Variants in KCNT2 observed in about 807,000 individuals in gnomAD.
KCNT2 encodes the protein potassium sodium-activated channel subfamily T member 2.
In KCNT2, 67 loss-of-function variants were observed where a neutral mutation model predicts 153.8. The observed-to-expected ratio is 0.44, with a 90% CI of 0.36 to 0.53. KCNT2 has a LOEUF of 0.53. KCNT2 is among the 20% of genes least tolerant of loss of function. The probability of loss-of-function intolerance (pLI) is 0.00; values close to 1 mark genes in which losing one functional copy is unlikely to be tolerated. For missense variants in KCNT2, 975 were observed against 1,354.8 expected, an observed-to-expected ratio of 0.72 and a Z score of 4.40; for synonymous variants, 500 against 458.8, an observed-to-expected ratio of 1.09 and a Z score of -1.15.
At chr1:196,412,943 A>C (rs1672460614) in intron 12 of KCNT2, among the ~76,000 whole-genome samples, 1 of 151,620 alleles carries the variant, frequency 6.6e-6, no homozygotes, top group South Asian at 2.1e-4. Flanking sequence ...TAAAATTGAG[A>C]TTGAAAGCCA....
intron 1 of KCNT2, among the ~76,000 whole-genome samples, chr1:196,582,111 A>G (rs1313634370): frequency 2.0e-5 from 3 of 152,078 alleles, no homozygotes; most frequent in East Asian, 1.9e-4. Flanking sequence ...AGGAAAATCA[A>G]CAAAGACCCT....
intron 14 of KCNT2, among the ~76,000 whole-genome samples, chr1:196,369,437 C>T (rs568711192): frequency 6.9e-4 from 105 of 152,126 alleles, no homozygotes; most frequent in Non-Finnish European, 1.3e-3. Flanking sequence ...AACTCGTCAT[C>T]TAGCATTAGG....
At position 196,425,811 on chromosome 1, in the gene KCNT2, T is replaced by C. The variant is rs770381419; in HGVS notation, c.1121+41A>G. On this transcript the variant is annotated intron_variant, in intron 11 of 27. Transcript: ENST00000294725. ...GAGGAAAGAGAAAATATTAAGTCAC[T>C]CAAAACTGTAAGCTGCAAGATGAAA... 5.0e-6 allele frequency: 8 copies of C among 1,604,418 alleles called. No homozygotes were observed. The Admixed American group carries it at 1.0e-4, about 20-fold the overall frequency.
At chr1:196,290,252 T>C (rs565488107) in intron 22 of KCNT2, among the ~76,000 whole-genome samples, 29 of 152,232 alleles carry the variant, frequency 1.9e-4, no homozygotes, top group African/African-American at 6.7e-4. Flanking sequence ...ACTTGAACTT[T>C]CTTACAGTGT....
chr1:196,394,026 G>T (rs1327706609), intron 13 of KCNT2, among the ~76,000 whole-genome samples: 1 of 151,518 alleles, frequency 6.6e-6, no homozygotes, highest in African/African-American at 2.4e-5. Flanking sequence ...GAAAAAAAAT[G>T]ATTTGACATA....
chr1:196,538,828 A>G (rs1438974528), intron 1 of KCNT2, among the ~76,000 whole-genome samples: 1 of 152,198 alleles, frequency 6.6e-6, no homozygotes, highest in Non-Finnish European at 1.5e-5. Context: ...ACTCTCTCAC[A>G]CTAATTATTC....
At chr1:196,361,336 C>A (rs1374016819) in intron 14 of KCNT2, among the ~76,000 whole-genome samples, 1 of 151,826 alleles carries the variant, frequency 6.6e-6, no homozygotes, top group Non-Finnish European at 1.5e-5. Context: ...TGGATATGTC[C>A]CGAAGGTTAC....
At chr1:196,241,007 G>A (rs1654903223) in intron 26 of KCNT2, among the ~76,000 whole-genome samples, 1 of 151,800 alleles carries the variant, frequency 6.6e-6, no homozygotes, top group Non-Finnish European at 1.5e-5. Flanking sequence ...AAAGGGGCGA[G>A]GAAGAGAGAT....
chr1:196,253,281 G>C (rs1274444973), intron 26 of KCNT2, among the ~76,000 whole-genome samples: 1 of 151,298 alleles, frequency 6.6e-6, no homozygotes, highest in African/African-American at 2.4e-5. Context: ...ATTTCGGATA[G>C]TCTATTGCTA....
At chr1:196,391,670 A>C (rs1027864060) in intron 13 of KCNT2, among the ~76,000 whole-genome samples, 1 of 151,412 alleles carries the variant, frequency 6.6e-6, no homozygotes, top group Non-Finnish European at 1.5e-5. Context: ...AGATGGCTTA[A>C]ACATCTTTTG....
chr1:196,342,261 CAAAAAGA>C, intron 14 of KCNT2, 33 bp from the exon 15 acceptor site: 1 of 1,562,938 alleles, frequency 6.4e-7, no homozygotes, highest in Admixed American at 1.9e-5. Flanking sequence ...TACACACACA[CAAAAAGA>C]AAACACAGTG....
intron 8 of KCNT2, among the ~76,000 whole-genome samples, chr1:196,445,350 C>T (rs1352679462): frequency 6.6e-6 from 1 of 151,206 alleles, no homozygotes; most frequent in African/African-American, 2.4e-5. Flanking sequence ...CTAGCTGCTG[C>T]CAGATAACAA....
At chr1:196,467,636 T>C in intron 7 of KCNT2, 67 bp downstream of exon 7, 1 of 1,052,414 alleles carries the variant, frequency 9.5e-7, no homozygotes, top group Non-Finnish European at 1.4e-6. Context: ...CTCTGTTTAA[T>C]CTAAACATTG....
intron 8 of KCNT2, among the ~76,000 whole-genome samples, chr1:196,443,261 T>C (rs1675399595): frequency 6.6e-6 from 1 of 151,550 alleles, no homozygotes; most frequent in African/African-American, 2.4e-5. Flanking sequence ...AACAGTTGCA[T>C]TTAAACGTTG....
At chr1:196,412,471 T>A (rs1672418548) in intron 12 of KCNT2, among the ~76,000 whole-genome samples, 1 of 149,304 alleles carries the variant, frequency 6.7e-6, no homozygotes, top group Non-Finnish European at 1.5e-5. Flanking sequence ...TACTTTTCCT[T>A]CCTTGTATAA....
chr1:196,448,813 T>C (rs1675911520), intron 8 of KCNT2, among the ~76,000 whole-genome samples: 1 of 151,664 alleles, frequency 6.6e-6, no homozygotes, highest in Admixed American at 6.6e-5. Context: ...CTTTTTTTGT[T>C]TTGTTTTCTA....
intron 12 of KCNT2, chr1:196,404,188 T>A: frequency 1.0e-6 from 1 of 956,856 alleles, no homozygotes; most frequent in Non-Finnish European, 1.2e-6. Flanking sequence ...ACTGCTCTAA[T>A]AGCTTCCACT....
chr1:196,269,426 C>G (rs567646347), intron 25 of KCNT2, among the ~76,000 whole-genome samples: 1 of 152,206 alleles, frequency 6.6e-6, no homozygotes, highest in South Asian at 2.1e-4. Flanking sequence ...GGGGCTATCA[C>G]TCAATCACCT....
At chr1:196,587,962 G>T (rs1662889880) in intron 1 of KCNT2, among the ~76,000 whole-genome samples, 1 of 151,976 alleles carries the variant, frequency 6.6e-6, no homozygotes, top group South Asian at 2.1e-4. Flanking sequence ...GGTAGCACTT[G>T]CTGGCTCAAT....
Sources: gnomAD v4.1 joint callset for allele counts (sites outside exome capture counted in the v4.1 genomes callset) on GRCh38, gnomAD v4.1.1 for gene constraint, MANE v1.5 for transcripts, NCBI Gene and HGNC (gene_info 2026-07-23, HGNC 2026-07-21) for gene names.